The following PRCP variants were observed in gnomAD, a reference collection of about 807,000 sequenced individuals.
PRCP encodes the protein prolylcarboxypeptidase.
A neutral mutation model predicts 54.2 loss-of-function variants in PRCP; 46 were observed. That is an observed-to-expected ratio of 0.85 (90% CI 0.67 to 1.09). PRCP has a LOEUF of 1.09. PRCP is among the 50% of genes least tolerant of loss of function. The pLI, the probability that PRCP is intolerant of heterozygous loss-of-function variation, is 0.00. For synonymous variants in PRCP, 240 were observed against 212.2 expected (o/e 1.13, Z -1.14); for missense variants, 613 against 596.8 (o/e 1.03, Z -0.28).
rs566261803 is a variant in PRCP, at chr11:82,825,216, T to C, written c.1275-94A>G. The C allele has an allele frequency of 3.0e-4, 330 of 1,108,016 alleles. 3 individuals carry two copies. In the South Asian group the frequency reaches 4.6e-3, roughly 16 times the overall value. 68.6% of individuals were successfully genotyped at this position (1,108,016 alleles called of 1,614,324 possible). On this transcript the variant is annotated intron_variant, in intron 8 of 8. Coordinates refer to ENST00000313010, the MANE Select transcript of PRCP (RefSeq NM_005040.4). ...AGAAACCTATTACATGTTTAACACCTAAAATTATAAACTTGTAACCTGGGG... is the reference window on the plus strand; with the variant it reads ...AGAAACCTATTACATGTTTAACACCCAAAATTATAAACTTGTAACCTGGGG...
upstream of PRCP, chr11:82,900,464 A>G (rs992163904): frequency 4.6e-5 from 71 of 1,553,302 alleles, no homozygotes; most frequent in Non-Finnish European, 6.0e-5. Flanking sequence ...AGAAGCGCAC[A>G]GGCTAAGCCC....
Position 82,850,486 on chromosome 11 carries a change from A to G in PRCP, c.431T>C (p.Phe144Ser). 2.5e-6 allele frequency: 4 copies of G among 1,573,400 alleles called. No homozygotes were observed. The highest frequency in any genetic ancestry group is 3.5e-6 in the Non-Finnish European group (4 of 1,157,028). Residue 144 changes from phenylalanine (F) to serine (S), a missense_variant, in exon 4 of 9, where the codon TTC (phenylalanine) becomes TCC (serine). Phe to Ser is a radical substitution (Grantham distance 155). Transcript: ENST00000313010. ...NSFKDSRHLN[F>S]LTSEQALADF... The stretch of plus-strand genomic sequence containing the variant: ...AGCCAGAGCTTGTTCTGATGTCAGG[A>G]AATTCAAGTGTCTGGAATCCTAAAG...
intron 1 of PRCP, among the ~76,000 whole-genome samples, chr11:82,871,221 C>T (rs1182513802): frequency 6.9e-6 from 1 of 145,344 alleles, no homozygotes; most frequent in Non-Finnish European, 1.5e-5. Flanking sequence ...GACTCTGTCG[C>T]CCAGGCTGGA....
chr11:82,880,234 G>T (rs1232387119), intron 1 of PRCP, among the ~76,000 whole-genome samples: 1 of 152,218 alleles, frequency 6.6e-6, no homozygotes, highest in Non-Finnish European at 1.5e-5. Flanking sequence ...TCAAGCCTCA[G>T]CAATGGCAGA....
chr11:82,861,538 GA>G (rs1481086567), intron 1 of PRCP, among the ~76,000 whole-genome samples: 1 of 152,096 alleles, frequency 6.6e-6, no homozygotes, highest in African/African-American at 2.4e-5. Context: ...AGCACGCAGG[GA>G]TTATGTATCT....
chr11:82,879,184 T>G (rs1859684565), intron 1 of PRCP, among the ~76,000 whole-genome samples: 1 of 152,242 alleles, frequency 6.6e-6, no homozygotes, highest in Non-Finnish European at 1.5e-5. Flanking sequence ...CAGACATAGA[T>G]TTGGTCTTTT....
Position 82,888,747 on chromosome 11 carries a change from G to A in PRCP, c.168+11488C>T, listed in dbSNP as rs150514668. 1.4e-3 allele frequency among the ~76,000 whole-genome samples: 208 copies of A among 152,312 alleles called. 2 individuals are homozygous for A. The highest frequency in any genetic ancestry group is 4.8e-3 in the African/African-American group (201 of 41,550). ...CATTCTATCATGCTCTCCAAAGGAT[G>A]TGAGACAGCTAGGATCCAAGTTTCC... On this transcript the variant is annotated intron_variant, in intron 1 of 8. Coordinates refer to ENST00000313010, the MANE Select transcript of PRCP (RefSeq NM_005040.4).
chr11:82,838,012 T>C (rs1303331407), intron 8 of PRCP, among the ~76,000 whole-genome samples: 1 of 152,200 alleles, frequency 6.6e-6, no homozygotes, highest in Non-Finnish European at 1.5e-5. Flanking sequence ...CATTTAGTAC[T>C]TGGAACAGAA....
At chr11:82,857,168 C>T (rs1456678694) in intron 2 of PRCP, among the ~76,000 whole-genome samples, 1 of 151,998 alleles carries the variant, frequency 6.6e-6, no homozygotes, top group Admixed American at 6.5e-5. Context: ...AACAAGCATA[C>T]TAAACTCCCT....
intron 6 of PRCP, among the ~76,000 whole-genome samples, chr11:82,844,147 G>T (rs1341095764): frequency 6.6e-6 from 1 of 152,068 alleles, no homozygotes; most frequent in Admixed American, 6.5e-5. Context: ...TATACCAGAT[G>T]CTATGAAATA....
intron 1 of PRCP, among the ~76,000 whole-genome samples, chr11:82,865,971 G>A (rs1326497974): frequency 1.3e-5 from 2 of 152,130 alleles, no homozygotes; most frequent in East Asian, 1.9e-4. Flanking sequence ...GTCTAGGAGT[G>A]GATTCCTACT....
chr11:82,900,833 A>G (rs1184851691), upstream of PRCP: 3 of 460,594 alleles, frequency 6.5e-6, no homozygotes, highest in Non-Finnish European at 1.3e-5. Flanking sequence ...CCATTGCGAC[A>G]CCTCCTGCCT....
rs1157645104 is a variant in PRCP at position 82,825,054 on chromosome 11, A to C, written c.1343T>G (p.Val448Gly). ...GTGGTGGGCCCCCTCTGAGATGGTG[A>C]CTGCAACCAGAGTGTCTGTGATATC... ...TKDITDTLVA[V>G]TISEGAHHLD... Residue 448 changes from valine (V) to glycine (G), a missense_variant, in exon 9 of 9, where the codon GTC becomes GGC. Physicochemically the swap from Val to Gly is moderately radical, Grantham distance 109. Coordinates refer to ENST00000313010, the MANE Select transcript of PRCP (RefSeq NM_005040.4). The C allele has an allele frequency of 6.2e-7, 1 of 1,614,086 alleles. No homozygotes were observed. The highest frequency in any genetic ancestry group is 1.1e-5 in the South Asian group (1 of 91,066).
In PRCP at chr11:82,838,589, A is replaced by G. The variant is rs1858586846; in HGVS notation, c.1087-15T>C. On this transcript the variant is annotated splice_polypyrimidine_tract_variant and intron_variant, in intron 7 of 8. Transcript: ENST00000313010. Reference sequence around the variant, plus strand: ...TCTGTGCAGGCCTAAGAAGCAAACCAAGAGAGAATCCAATTAGAAAAATGA... The same window carrying G: ...TCTGTGCAGGCCTAAGAAGCAAACCGAGAGAGAATCCAATTAGAAAAATGA... 6.3e-7 allele frequency: 1 copy of G among 1,595,404 alleles called. No homozygotes were observed. The highest frequency in any genetic ancestry group is 1.4e-5 in the African/African-American group (1 of 73,834).
rs1859226363 is a variant in PRCP, at chr11:82,862,368, CAG to C, written c.169-2253_169-2252del. The stretch of plus-strand genomic sequence containing the variant: ...GAATTTACAGATTTACCCTGCAGCA[CAG>C]AGTCTCACTGAGCCTTTAGCATCAT... On this transcript the variant is annotated intron_variant, in intron 1 of 8. Coordinates refer to ENST00000313010, the MANE Select transcript of PRCP (RefSeq NM_005040.4). Among the ~76,000 whole-genome samples, 6 of 152,324 alleles carry C rather than the reference CAG, an allele frequency of 3.9e-5. No individual in the cohort carries two copies. In the South Asian group the frequency reaches 1.2e-3, roughly 32 times the overall value.
chr11:82,838,333 T>A, intron 8 of PRCP, 54 bp downstream of exon 8: 3 of 1,497,324 alleles, frequency 2.0e-6, no homozygotes, highest in Non-Finnish European at 2.7e-6. Flanking sequence ...TTTTTTCAGA[T>A]ATTCTACAAA....
intron 1 of PRCP, among the ~76,000 whole-genome samples, chr11:82,867,754 C>T (rs1859376142): frequency 6.6e-6 from 1 of 152,094 alleles, no homozygotes; most frequent in South Asian, 2.1e-4. Flanking sequence ...ACGGGGTCTC[C>T]CCTCTGTAGC....
intron 8 of PRCP, chr11:82,826,771 T>C (rs1483103609): frequency 2.0e-5 from 3 of 152,222 alleles, no homozygotes; most frequent in Non-Finnish European, 2.9e-5. Flanking sequence ...TGCCTAGTCA[T>C]ATCTTTGTTC....
intron 1 of PRCP, among the ~76,000 whole-genome samples, chr11:82,892,918 GA>G (rs1349806627): frequency 3.3e-5 from 5 of 152,160 alleles, no homozygotes; most frequent in African/African-American, 1.2e-4. Context: ...GCCTGGCCAG[GA>G]CCTAGCCCAG....
Sources: allele counts gnomAD v4.1 joint callset (sites outside exome capture counted in the v4.1 genomes callset), GRCh38; gene constraint gnomAD v4.1.1; transcripts MANE v1.5; gene names NCBI Gene and HGNC (gene_info 2026-07-23, HGNC 2026-07-21).